SOBP: variants seen among roughly 807,000 people sequenced by gnomAD.
SOBP encodes the protein sine oculis-binding protein homolog.
SOBP carries 4 observed loss-of-function variants against 53.6 expected under a neutral mutation model. The ratio of observed to expected loss-of-function variants is 0.07; its 90% CI spans 0.04 to 0.17. SOBP has a LOEUF of 0.17. Among genes scored for constraint, SOBP ranks in the 10% least tolerant of loss-of-function variants. SOBP has a pLI of 1.00. For synonymous variants in SOBP, 584 were observed against 522.6 expected (o/e 1.12, Z -1.60); for missense variants, 1,088 against 1,204.7 (o/e 0.90, Z 1.43).
chr6:107,495,062 C>G (rs1338740746), intron 1 of SOBP, among the ~76,000 whole-genome samples: 2 of 152,200 alleles, frequency 1.3e-5, no homozygotes, highest in South Asian at 2.1e-4. Flanking sequence ...TGTTGAAACT[C>G]TATCCTGGTG....
intron 5 of SOBP, among the ~76,000 whole-genome samples, chr6:107,587,799 G>A (rs532623775): frequency 6.6e-6 from 1 of 152,158 alleles, no homozygotes; most frequent in Non-Finnish European, 1.5e-5. Flanking sequence ...TTTACAGCCA[G>A]ACAAGATGAA....
At chr6:107,603,214 C>A (rs1042721274) in intron 5 of SOBP, among the ~76,000 whole-genome samples, 3 of 152,208 alleles carry the variant, frequency 2.0e-5, no homozygotes, top group African/African-American at 7.2e-5. Context: ...CCTGCTACGG[C>A]CACTGGCCAT....
chr6:107,519,462 G>A (rs1783418096), intron 3 of SOBP, among the ~76,000 whole-genome samples: 1 of 152,166 alleles, frequency 6.6e-6, no homozygotes, highest in African/African-American at 2.4e-5. Flanking sequence ...TCCCATGATT[G>A]CTGTAACACT....
At chr6:107,601,008 A>C (rs145747984) in intron 5 of SOBP, among the ~76,000 whole-genome samples, 1 of 152,364 alleles carries the variant, frequency 6.6e-6, no homozygotes, top group African/African-American at 2.4e-5. Flanking sequence ...AAAGCCTTTG[A>C]ATAGACACTC....
chr6:107,531,278 T>G (rs777911721), intron 3 of SOBP, among the ~76,000 whole-genome samples: 15 of 152,214 alleles, frequency 9.9e-5, no homozygotes, highest in Non-Finnish European at 1.8e-4. Flanking sequence ...GCCAGGTGAT[T>G]TCCCGCATAA....
chr6:107,543,918 T>C (rs982396212), intron 4 of SOBP, among the ~76,000 whole-genome samples: 3 of 152,218 alleles, frequency 2.0e-5, no homozygotes, highest in African/African-American at 7.2e-5. Flanking sequence ...TTTCAGACTT[T>C]AGAACATGAG....
chr6:107,633,222 A>G (rs1770796223), intron 5 of SOBP, among the ~76,000 whole-genome samples: 1 of 152,212 alleles, frequency 6.6e-6, no homozygotes, highest in South Asian at 2.1e-4. Context: ...GGACAGGTAT[A>G]TATATTCCCT....
intron 5 of SOBP, among the ~76,000 whole-genome samples, chr6:107,618,649 A>G (rs1003889649): frequency 6.6e-6 from 1 of 152,242 alleles, no homozygotes; most frequent in Non-Finnish European, 1.5e-5. Context: ...AAATACAAAA[A>G]ATAGCGATAT....
At chr6:107,537,878 C>G (rs868244003) in intron 4 of SOBP, among the ~76,000 whole-genome samples, 1 of 150,488 alleles carries the variant, frequency 6.6e-6, no homozygotes, top group Non-Finnish European at 1.5e-5. Flanking sequence ...TGTGGTTCCC[C>G]AGCAGATCAC....
chr6:107,529,334 G>C, intron 3 of SOBP: 1 of 422,956 alleles, frequency 2.4e-6, no homozygotes, highest in Non-Finnish European at 3.2e-6. Context: ...GTGCAGCCCG[G>C]CCATGGGCCA....
rs1385243860 is a variant in SOBP, at chr6:107,633,858, C to T, written c.1014C>T (p.Ala338=). The change falls in exon 6 of 7, where the codon GCC becomes GCT. Residue 338 remains alanine, a synonymous_variant. Coordinates refer to ENST00000317357, the MANE Select transcript of SOBP (RefSeq NM_018013.4). ...CCACCGTCTCTCCATCTGACACTGC[C>T]AACTGCTCTGTCACTAAAATCCCCA... ...ASTTVSPSDT[A]NCSVTKIPTP... 6.2e-7 allele frequency: 1 copy of T among 1,614,082 alleles called. No individual in the cohort carries two copies. Among genetic ancestry groups the T allele is most frequent in the Admixed American group, 1.7e-5 (1 of 60,016 alleles).
chr6:107,656,581 G>A (rs868790327), intron 6 of SOBP, among the ~76,000 whole-genome samples: 5 of 152,138 alleles, frequency 3.3e-5, no homozygotes, highest in Non-Finnish European at 5.9e-5. Context: ...ATTTCCTGTC[G>A]TGCACAGTGA....
At chr6:107,628,830 C>T (rs1770577701) in intron 5 of SOBP, among the ~76,000 whole-genome samples, 4 of 152,202 alleles carry the variant, frequency 2.6e-5, no homozygotes, top group Admixed American at 2.6e-4. Flanking sequence ...GATACTGGGA[C>T]CACGGCATTC....
At chr6:107,589,139 G>A (rs924175851) in intron 5 of SOBP, among the ~76,000 whole-genome samples, 6 of 152,218 alleles carry the variant, frequency 3.9e-5, no homozygotes, top group Admixed American at 2.6e-4. Flanking sequence ...AAGATTGCAA[G>A]CTCCACTCCA....
At chr6:107,555,584 C>A (rs1046812148) in intron 4 of SOBP, among the ~76,000 whole-genome samples, 4 of 152,212 alleles carry the variant, frequency 2.6e-5, no homozygotes, top group Non-Finnish European at 5.9e-5. Flanking sequence ...ACCTTCCAAG[C>A]GCAGCTGCAC....
At chr6:107,564,983 C>G (rs1784875008) in intron 4 of SOBP, among the ~76,000 whole-genome samples, 2 of 152,132 alleles carry the variant, frequency 1.3e-5, no homozygotes, top group African/African-American at 2.4e-5. Context: ...GGCAGCAGAT[C>G]AAAATAAAGA....
intron 4 of SOBP, among the ~76,000 whole-genome samples, chr6:107,575,079 A>G (rs1417737761): frequency 6.6e-6 from 1 of 152,126 alleles, no homozygotes; most frequent in Non-Finnish European, 1.5e-5. Context: ...GGGGGTTGAG[A>G]TCTGCACCTG....
chr6:107,619,076 C>A (rs958010802), intron 5 of SOBP, among the ~76,000 whole-genome samples: 1 of 152,058 alleles, frequency 6.6e-6, no homozygotes, highest in South Asian at 2.1e-4. Flanking sequence ...TGCGGAGGGG[C>A]CCATGTGTAG....
intron 5 of SOBP, among the ~76,000 whole-genome samples, chr6:107,597,976 G>A (rs969232543): frequency 1.3e-5 from 2 of 152,202 alleles, no homozygotes; most frequent in Admixed American, 6.5e-5. Flanking sequence ...TCACATGAGA[G>A]CAGGTGGTTA....
Sources: gnomAD v4.1 joint callset for allele counts (sites outside exome capture counted in the v4.1 genomes callset) on GRCh38, gnomAD v4.1.1 for gene constraint, MANE v1.5 for transcripts, NCBI Gene and HGNC (gene_info 2026-07-23, HGNC 2026-07-21) for gene names.